TADA2B: variants seen among roughly 807,000 people sequenced by gnomAD.
TADA2B encodes transcriptional adaptor 2B.
Under a neutral mutation model 34.5 loss-of-function variants are expected in TADA2B, and 13 were observed. The observed-to-expected ratio is 0.38, with a 90% CI of 0.25 to 0.60. TADA2B has a LOEUF of 0.60. Among genes scored for constraint, TADA2B ranks in the 20% least tolerant of loss-of-function variants. The pLI, the probability that TADA2B is intolerant of heterozygous loss-of-function variation, is 0.65. For missense variants in TADA2B, 442 were observed against 575.0 expected (o/e 0.77, Z 2.37); for synonymous variants, 240 against 243.4 (o/e 0.99, Z 0.13).
chr4:7,048,005 G>T (rs188845239), intron 1 of TADA2B, among the ~76,000 whole-genome samples: 3 of 152,190 alleles, frequency 2.0e-5, no homozygotes, highest in Admixed American at 2.0e-4. Context: ...ATGTGGGAAC[G>T]TGGAATTTCA....
chr4:7,050,158 G>A (rs781500409), intron 1 of TADA2B, among the ~76,000 whole-genome samples: 19 of 152,244 alleles, frequency 1.2e-4, no homozygotes, highest in Non-Finnish European at 2.6e-4. Flanking sequence ...GCGTGGGCTC[G>A]GCTTGGAGCC....
At position 7,054,859 on chromosome 4, in the gene TADA2B, G is replaced by A. The variant is rs1723853053; in HGVS notation, c.1068G>A (p.Lys356=). The A allele has an allele frequency of 3.1e-6, 5 of 1,613,936 alleles. No individual in the cohort carries two copies. Among genetic ancestry groups the A allele is most frequent in the Non-Finnish European group, 3.4e-6 (4 of 1,179,876 alleles). ...TCGAGCTCCTGTCAGATCGCGAGAA[G>A]GTGCTCTGCAGCTCTTTAAACTTGA... ...PGFELLSDRE[K]VLCSSLNLSP... is the part of the protein sequence containing the mutation. Residue 356 remains lysine, a synonymous_variant, in exon 2 of 2, where the codon AAG becomes AAA. Transcript: ENST00000310074.
intron 1 of TADA2B, among the ~76,000 whole-genome samples, chr4:7,050,075 C>T (rs1414220877): frequency 1.3e-5 from 2 of 152,270 alleles, no homozygotes; most frequent in East Asian, 3.8e-4. Context: ...CCTCCCATGT[C>T]TGCACGCTTC....
At position 7,054,315 on chromosome 4, in the gene TADA2B, T is replaced by C; in HGVS notation, c.524T>C (p.Ile175Thr). 1 of 1,613,232 alleles carries C rather than the reference T, an allele frequency of 6.2e-7. No individual in the cohort carries two copies. Among genetic ancestry groups the C allele is most frequent in the Non-Finnish European group, 8.5e-7 (1 of 1,179,860 alleles). The change falls in exon 2 of 2, where the codon ATC becomes ACC. Residue 175 changes from isoleucine to threonine, a missense_variant. Coordinates refer to ENST00000310074, the MANE Select transcript of TADA2B (RefSeq NM_152293.3). ...ATGCCGCTGCGGGATGATTACGAGA[T>C]CGAGTATGACCAGGATGCCGAGACG... ...GYMPLRDDYE[I>T]EYDQDAETLI...
At chr4:7,048,650 C>A (rs9985704) in intron 1 of TADA2B, among the ~76,000 whole-genome samples, 146,655 of 152,282 alleles carry the variant, frequency 0.96, 70,664 homozygotes, top group East Asian at 1. Flanking sequence ...AAGTCCACTC[C>A]CAGTGTTGTA....
At chr4:7,049,439 C>T (rs749210771) in intron 1 of TADA2B, among the ~76,000 whole-genome samples, 24 of 152,230 alleles carry the variant, frequency 1.6e-4, no homozygotes, top group Non-Finnish European at 3.1e-4. Context: ...ATCTCTGTCA[C>T]AGTTAGCCTT....
In TADA2B at chr4:7,043,471, C is replaced by A; in HGVS notation, c.-109C>A. On this transcript the variant is annotated 5_prime_UTR_variant, in exon 1 of 2. Transcript: ENST00000310074. ...TGGCGGCAGCCGCGGCGGCGGGCGG[C>A]GGTTGCTCGTGCGCGGCGGCGGCGG... The A allele has an allele frequency of 1.8e-6, 1 of 547,822 alleles. No homozygotes were observed. The highest frequency in any genetic ancestry group is 2.1e-5 in the African/African-American group (1 of 46,592). The allele number at this position is 547,822 out of a possible 1,614,324, so 33.9% of individuals were successfully genotyped here.
chr4:7,046,729 C>T (rs1560391810), intron 1 of TADA2B, among the ~76,000 whole-genome samples: 1 of 152,106 alleles, frequency 6.6e-6, no homozygotes, highest in African/African-American at 2.4e-5. Flanking sequence ...TGGGGGCTGG[C>T]GACAGTGATG....
intron 1 of TADA2B, among the ~76,000 whole-genome samples, chr4:7,049,087 A>C (rs75647578): frequency 1.8e-4 from 2 of 11,382 alleles, no homozygotes; most frequent in Non-Finnish European, 4.9e-4. Context: ...TTCTGTGTGT[A>C]ATTTTTTTTT....
chr4:7,051,832 CGTGATCCGCCTGCCTCGGCCTCCCAAA>C (rs1163234323), intron 1 of TADA2B, among the ~76,000 whole-genome samples: 1 of 152,162 alleles, frequency 6.6e-6, no homozygotes, highest in Non-Finnish European at 1.5e-5. Context: ...CTCCTGACCT[CGTGATCCGCCTGCCTCGGCCTCCCAAA>C]GTGTTGGGAT....
At chr4:7,046,452 C>T (rs1339272803) in intron 1 of TADA2B, among the ~76,000 whole-genome samples, 2 of 152,196 alleles carry the variant, frequency 1.3e-5, no homozygotes, top group Non-Finnish European at 2.9e-5. Flanking sequence ...AGTTGAAGAA[C>T]AGCAGCTGTA....
chr4:7,055,052 T>G lies in TADA2B; in HGVS notation c.1261T>G (p.Ter421GlyextTer2), dbSNP rs777925077. 2.5e-6 allele frequency: 4 copies of G among 1,605,902 alleles called. No individual in the cohort carries two copies. The highest frequency in any genetic ancestry group is 3.4e-6 in the Non-Finnish European group (4 of 1,176,906). ...CGGCTGGATCTCCAGGGACGCGTCT[T>G]GAAGCTGAGACGCTTTGAAAGCCAG... is the stretch of plus-strand genomic sequence containing the variant. ...ESGWISRDAS[*>G] Residue 421 changes from the stop codon to glycine (G), a stop_lost, in exon 2 of 2, where the codon TGA (stop) becomes GGA (glycine). Coordinates refer to ENST00000310074, the MANE Select transcript of TADA2B (RefSeq NM_152293.3).
intron 1 of TADA2B, among the ~76,000 whole-genome samples, chr4:7,048,331 A>C (rs1335316095): frequency 6.6e-6 from 1 of 152,088 alleles, no homozygotes; most frequent in African/African-American, 2.4e-5. Flanking sequence ...GGGGCAGGGC[A>C]CGCAGAGGTG....
rs1723893756 is a variant in TADA2B, at chr4:7,056,412, T to C, written c.*1358T>C. ...GCGTGCTCAGACTCCAGCGCTCCGT[T>C]CTTCAAGGAGGTTGACTTGCCTCTC... On this transcript the variant is annotated 3_prime_UTR_variant, in exon 2 of 2. Transcript: ENST00000310074. 6.6e-6 allele frequency: 1 copy of C among 152,606 alleles called. No individual in the cohort carries two copies. The highest frequency in any genetic ancestry group is 6.5e-5 in the Admixed American group (1 of 15,274). 9.5% of individuals were successfully genotyped at this position (152,606 alleles called of 1,614,324 possible).
chr4:7,045,268 A>G (rs573107937), intron 1 of TADA2B, among the ~76,000 whole-genome samples: 39 of 152,088 alleles, frequency 2.6e-4, no homozygotes, highest in South Asian at 4.2e-4. Flanking sequence ...TCCTGATCCA[A>G]TTTATCAGCT....
At chr4:7,044,376 T>G (rs1723567738) in intron 1 of TADA2B, among the ~76,000 whole-genome samples, 2 of 152,130 alleles carry the variant, frequency 1.3e-5, no homozygotes, top group Admixed American at 1.3e-4. Flanking sequence ...GCGTGCCTGG[T>G]TTATGCTTGG....
Position 7,054,262 on chromosome 4 carries a change from T to G in TADA2B, c.471T>G (p.Ser157=). 1 of 1,612,280 alleles carries G rather than the reference T, an allele frequency of 6.2e-7. No homozygotes were observed. Among genetic ancestry groups the G allele is most frequent in the Non-Finnish European group, 8.5e-7 (1 of 1,179,370 alleles). The part of the protein sequence containing the change: ...LTTPLPPLDI[S]VAEQQQLGYM... Reference sequence around the variant, plus strand: ...CCCCGCTGCCCCCGCTGGACATCTCTGTGGCTGAGCAGCAGCAGCTGGGCT... The same window carrying G: ...CCCCGCTGCCCCCGCTGGACATCTCGGTGGCTGAGCAGCAGCAGCTGGGCT... Residue 157 remains serine (S), a synonymous_variant, in exon 2 of 2, where the codon TCT becomes TCG. Transcript: ENST00000310074.
chr4:7,047,591 G>A (rs1723665797), intron 1 of TADA2B, among the ~76,000 whole-genome samples: 2 of 152,360 alleles, frequency 1.3e-5, no homozygotes, highest in South Asian at 2.1e-4. Flanking sequence ...CCTGGTGTGC[G>A]CCAGCCCCTG....
intron 1 of TADA2B, chr4:7,053,140 C>A (rs114628112): frequency 0.029 from 4,417 of 152,478 alleles, 132 homozygotes; most frequent in African/African-American, 0.07. Flanking sequence ...GGCTGGGTGG[C>A]TGAGAGGCGG....
Sources: allele counts gnomAD v4.1 joint callset (sites outside exome capture counted in the v4.1 genomes callset), GRCh38; gene constraint gnomAD v4.1.1; transcripts MANE v1.5; gene names NCBI Gene and HGNC (gene_info 2026-07-23, HGNC 2026-07-21).